BRAF: variants seen among roughly 807,000 people sequenced by gnomAD.
BRAF encodes the protein B-Raf proto-oncogene, serine/threonine kinase, also known as serine/threonine-protein kinase B-raf.
In BRAF, 16 loss-of-function variants were observed where a neutral mutation model predicts 104.6. The ratio of observed to expected loss-of-function variants is 0.15; its 90% CI spans 0.10 to 0.23. The LOEUF (loss-of-function observed/expected upper bound fraction) is 0.23. Among genes scored for constraint, BRAF ranks in the 10% least tolerant of loss-of-function variants. The pLI is 1.00. For synonymous variants in BRAF, 310 were observed against 341.6 expected, an observed-to-expected ratio of 0.91 and a Z score of 1.02; for missense variants, 541 against 937.3, an observed-to-expected ratio of 0.58 and a Z score of 5.52.
intron 14 of BRAF, among the ~76,000 whole-genome samples, chr7:140,766,690 A>G (rs1799360569): frequency 6.6e-6 from 1 of 151,966 alleles, no homozygotes; most frequent in African/African-American, 2.4e-5. Flanking sequence ...AGCTGGGACC[A>G]CAGACATACA....
intron 17 of BRAF, chr7:140,740,214 A>C: frequency 2.6e-6 from 1 of 387,290 alleles, no homozygotes; most frequent in Non-Finnish European, 4.8e-6. Context: ...TATCCAGTCC[A>C]TTTTCCCACT....
In BRAF at chr7:140,720,102, G is replaced by C; in HGVS notation, c.*6392C>G. ...AATGACAACTACTGAATAAAATTCA[G>C]AGACACATGTTGATGAATGATCAAA... On this transcript the variant is annotated 3_prime_UTR_variant, in exon 20 of 20. Coordinates refer to ENST00000644969, the MANE Select transcript of BRAF (RefSeq NM_001374258.1). 9.4e-7 allele frequency: 1 copy of C among 1,060,876 alleles called. No homozygotes were observed. Among genetic ancestry groups the C allele is most frequent in the Non-Finnish European group, 1.1e-6 (1 of 876,550 alleles). 65.7% of individuals were successfully genotyped at this position (1,060,876 alleles called of 1,614,324 possible). A position where few individuals can be genotyped will look rare whatever the true frequency, so the allele number is the denominator to read the frequency against.
intron 14 of BRAF, among the ~76,000 whole-genome samples, chr7:140,772,717 C>T (rs1799973732): frequency 2.6e-5 from 4 of 152,104 alleles, no homozygotes; most frequent in Admixed American, 2.0e-4. Context: ...CTCACTGATG[C>T]AATCTGGTTA....
At position 140,909,809 on chromosome 7, in the gene BRAF, AAACAAC is replaced by A. The variant is rs142186028; in HGVS notation, c.138+14751_138+14756del. 4.9e-3 allele frequency among the ~76,000 whole-genome samples: 725 copies of A among 148,772 alleles called. 5 individuals carry two copies. Among genetic ancestry groups the A allele is most frequent in the African/African-American group, 0.013 (496 of 39,170 alleles). ...GCAACAAGAGCGAAACTCCGTCTCA[AAACAAC>A]AACAACAACAACAACAACAACAACA... is the stretch of plus-strand genomic sequence containing the variant. On this transcript the variant is annotated intron_variant, in intron 1 of 19. Coordinates refer to ENST00000644969, the MANE Select transcript of BRAF (RefSeq NM_001374258.1).
chr7:140,867,121 A>G (rs1265879364), intron 1 of BRAF, among the ~76,000 whole-genome samples: 3 of 152,164 alleles, frequency 2.0e-5, no homozygotes, highest in African/African-American at 7.2e-5. Context: ...CCAACCTTAT[A>G]CAGTGCCTAC....
At chr7:140,922,589 CTT>C (rs1280323322) in intron 1 of BRAF, among the ~76,000 whole-genome samples, 1 of 152,186 alleles carries the variant, frequency 6.6e-6, no homozygotes, top group Non-Finnish European at 1.5e-5. Flanking sequence ...CTGTAGTAGT[CTT>C]CAAACAAGAT....
At chr7:140,740,541 A>C (rs754911109) in intron 17 of BRAF, 1 of 152,112 alleles carries the variant, frequency 6.6e-6, no homozygotes, top group Non-Finnish European at 1.5e-5. Context: ...GAGATTTATA[A>C]TTTTTTCTAA....
In BRAF at chr7:140,725,006, C is replaced by A; in HGVS notation, c.*1488G>T. The stretch of plus-strand genomic sequence containing the variant: ...ATGCCAGTTCTTTCTATAAAAACAA[C>A]TGATGACAGCTTTCCCACACCCTCC... On this transcript the variant is annotated 3_prime_UTR_variant, in exon 20 of 20. Transcript: ENST00000644969. 3 of 1,046,190 alleles carry A rather than the reference C, an allele frequency of 2.9e-6. No homozygotes were observed. Among genetic ancestry groups the A allele is most frequent in the Non-Finnish European group, 3.5e-6 (3 of 867,280 alleles). 64.8% of individuals were successfully genotyped at this position (1,046,190 alleles called of 1,614,324 possible). A position where few individuals can be genotyped will look rare whatever the true frequency, so the allele number is the denominator to read the frequency against.
chr7:140,716,994 T>C (rs574244799), downstream of BRAF, among the ~76,000 whole-genome samples: 2 of 152,276 alleles, frequency 1.3e-5, no homozygotes, highest in South Asian at 4.1e-4. Context: ...CCTCAGCAGG[T>C]GCCTTTTGTT....
chr7:140,871,199 G>A (rs1026314054), intron 1 of BRAF, among the ~76,000 whole-genome samples: 7 of 130,866 alleles, frequency 5.3e-5, no homozygotes, highest in Admixed American at 8.9e-5. Flanking sequence ...CCGAGATCGC[G>A]CCACTACTCC....
At chr7:140,840,451 A>T (rs1807824988) in intron 2 of BRAF, among the ~76,000 whole-genome samples, 1 of 152,072 alleles carries the variant, frequency 6.6e-6, no homozygotes, top group African/African-American at 2.4e-5. Context: ...ATACCACAGA[A>T]TGGGAGAAAA....
chr7:140,886,702 C>T (rs1476549761), intron 1 of BRAF, among the ~76,000 whole-genome samples: 1 of 152,164 alleles, frequency 6.6e-6, no homozygotes, highest in Non-Finnish European at 1.5e-5. Flanking sequence ...TTGATCCTCA[C>T]TGAGCTCTCA....
chr7:140,748,973 T>C (rs1797569284), intron 17 of BRAF: 1 of 312,760 alleles, frequency 3.2e-6, no homozygotes, highest in African/African-American at 2.2e-5. Context: ...AAAAGTATAA[T>C]GCCCAGATGC....
intron 1 of BRAF, among the ~76,000 whole-genome samples, chr7:140,891,598 T>C (rs1015910608): frequency 5.3e-5 from 8 of 152,268 alleles, no homozygotes; most frequent in African/African-American, 9.6e-5. Flanking sequence ...ACTGTAGAAG[T>C]GGCATTTTGG....
intron 1 of BRAF, among the ~76,000 whole-genome samples, chr7:140,875,562 C>G (rs1812140886): frequency 1.3e-5 from 2 of 152,084 alleles, no homozygotes; most frequent in Admixed American, 1.3e-4. Flanking sequence ...ACTTTTAGTA[C>G]AGACAGGGTT....
Position 140,814,239 on chromosome 7 carries a change from G to T in BRAF, c.505-5244C>A, listed in dbSNP as rs566485656. Among the ~76,000 whole-genome samples the T allele has an allele frequency of 3.5e-4, 54 of 152,176 alleles. 1 individual carries two copies. Among genetic ancestry groups the T allele is most frequent in the African/African-American group, 1.2e-3 (50 of 41,508 alleles). Reference sequence around the variant, plus strand: ...TGGAACCATGTGAATATTTGCCAAGGAAACTTTAGACCAAAACAAAATGTA... The same window carrying T: ...TGGAACCATGTGAATATTTGCCAAGTAAACTTTAGACCAAAACAAAATGTA... On this transcript the variant is annotated intron_variant, in intron 3 of 19. Coordinates refer to ENST00000644969, the MANE Select transcript of BRAF (RefSeq NM_001374258.1).
chr7:140,832,067 T>C (rs1164081086), intron 3 of BRAF, among the ~76,000 whole-genome samples: 1 of 152,246 alleles, frequency 6.6e-6, no homozygotes, highest in Non-Finnish European at 1.5e-5. Flanking sequence ...TTCTTAAAAA[T>C]TTCTAGTTCT....
intron 1 of BRAF, among the ~76,000 whole-genome samples, chr7:140,862,204 A>AAAAC (rs1377807711): frequency 4.6e-5 from 7 of 152,190 alleles, no homozygotes; most frequent in African/African-American, 1.7e-4. Context: ...GGGCAAGGAG[A>AAAAC]AAACTGAAAT....
chr7:140,826,197 AT>A (rs1475316920), intron 3 of BRAF, among the ~76,000 whole-genome samples: 3 of 152,176 alleles, frequency 2.0e-5, no homozygotes, highest in Admixed American at 6.6e-5. Context: ...AACATTTCCT[AT>A]GTAATTTGCT....
Sources: gnomAD v4.1 joint callset for allele counts (sites outside exome capture counted in the v4.1 genomes callset) on GRCh38, gnomAD v4.1.1 for gene constraint, MANE v1.5 for transcripts, NCBI Gene and HGNC (gene_info 2026-07-23, HGNC 2026-07-21) for gene names.